CLASP1: variants seen among roughly 807,000 people sequenced by gnomAD.
CLASP1 encodes CLIP-associating protein 1.
In CLASP1, 38 loss-of-function variants were observed where a neutral mutation model predicts 192.3. The observed-to-expected ratio is 0.20, with a 90% CI of 0.15 to 0.26. The LOEUF (loss-of-function observed/expected upper bound fraction) is 0.26. CLASP1 is among the 10% of genes least tolerant of loss of function. The pLI is 1.00. For missense variants in CLASP1, 1,433 were observed against 1,932.5 expected, an observed-to-expected ratio of 0.74 and a Z score of 4.85; for synonymous variants, 691 against 712.8, an observed-to-expected ratio of 0.97 and a Z score of 0.49.
At chr2:121,510,685 C>T (rs1559477233) in intron 7 of CLASP1, among the ~76,000 whole-genome samples, 3 of 152,086 alleles carry the variant, frequency 2.0e-5, no homozygotes, top group East Asian at 1.9e-4. Context: ...GTAGTCCCAG[C>T]TACTTGGGAG....
chr2:121,369,929 G>A lies in CLASP1; in HGVS notation c.3643-2098C>T, dbSNP rs141746439. On this transcript the variant is annotated intron_variant, in intron 34 of 39. Transcript: ENST00000263710. ...CTTTTGCTAAATATAATTTTACTGAGTTCCAAAACATTGTATCAGTTTCCC... is the reference window on the plus strand; with the variant it reads ...CTTTTGCTAAATATAATTTTACTGAATTCCAAAACATTGTATCAGTTTCCC... Among the ~76,000 whole-genome samples the A allele has an allele frequency of 3.4e-3, 518 of 152,134 alleles. 2 individuals are homozygous for A. Among genetic ancestry groups the A allele is most frequent in the Non-Finnish European group, 5.7e-3 (388 of 68,004 alleles).
intron 7 of CLASP1, among the ~76,000 whole-genome samples, chr2:121,508,183 T>C (rs1324941652): frequency 6.6e-6 from 1 of 152,192 alleles, no homozygotes; most frequent in Non-Finnish European, 1.5e-5. Flanking sequence ...TAGAACTATA[T>C]GCACTGGTGG....
chr2:121,482,037 A>C (rs1183658680), intron 8 of CLASP1, among the ~76,000 whole-genome samples: 1 of 152,164 alleles, frequency 6.6e-6, no homozygotes, highest in African/African-American at 2.4e-5. Context: ...CCCACCAACC[A>C]ACCCTCGGAT....
chr2:121,585,666 G>A (rs572644302), intron 2 of CLASP1, among the ~76,000 whole-genome samples: 4 of 152,280 alleles, frequency 2.6e-5, no homozygotes, highest in South Asian at 4.1e-4. Context: ...TTGGGAGGCC[G>A]AAGCGGGCAG....
chr2:121,488,802 T>A (rs1038685982), intron 8 of CLASP1, among the ~76,000 whole-genome samples: 4 of 152,202 alleles, frequency 2.6e-5, no homozygotes, highest in African/African-American at 9.6e-5. Context: ...ACCACTTCCA[T>A]AAGAAACAGT....
At chr2:121,436,996 C>G (rs1346860539) in intron 19 of CLASP1, among the ~76,000 whole-genome samples, 3 of 152,076 alleles carry the variant, frequency 2.0e-5, no homozygotes, top group African/African-American at 2.4e-5. Flanking sequence ...GGGTCTTGCT[C>G]TGTTGTCCTG....
At chr2:121,532,938 A>C (rs183640413) in intron 2 of CLASP1, among the ~76,000 whole-genome samples, 16 of 152,330 alleles carry the variant, frequency 1.1e-4, no homozygotes, top group Non-Finnish European at 1.9e-4. Flanking sequence ...TGTCTGGTGA[A>C]ATCTTAAGCT....
At chr2:121,427,312 A>G in intron 21 of CLASP1, 92 bp downstream of exon 21, 2 of 1,414,098 alleles carry the variant, frequency 1.4e-6, no homozygotes, top group Non-Finnish European at 1.9e-6. Context: ...CTTACAATAA[A>G]GAGAGAAATT....
intron 1 of CLASP1, among the ~76,000 whole-genome samples, chr2:121,606,577 T>TC (rs1559750725): frequency 6.6e-6 from 1 of 152,148 alleles, no homozygotes; most frequent in Non-Finnish European, 1.5e-5. Context: ...TGCCTTACTC[T>TC]CAGTCTTCTA....
intron 8 of CLASP1, among the ~76,000 whole-genome samples, chr2:121,474,690 C>G (rs563560926): frequency 6.6e-6 from 1 of 152,176 alleles, no homozygotes; most frequent in East Asian, 1.9e-4. Flanking sequence ...GAGCCAAGAT[C>G]GCATCACTGC....
At chr2:121,522,053 G>C (rs947790331) in intron 6 of CLASP1, among the ~76,000 whole-genome samples, 1 of 152,222 alleles carries the variant, frequency 6.6e-6, no homozygotes, top group Non-Finnish European at 1.5e-5. Context: ...AATTAACTTG[G>C]TTAGTATCGG....
chr2:121,500,246 TTG>T (rs2093688146), intron 8 of CLASP1, among the ~76,000 whole-genome samples: 2 of 138,584 alleles, frequency 1.4e-5, no homozygotes. Flanking sequence ...ACACTGGGAG[TTG>T]TGTTTTAAAA....
intron 6 of CLASP1, among the ~76,000 whole-genome samples, chr2:121,516,012 G>C (rs956405810): frequency 6.6e-6 from 1 of 152,072 alleles, no homozygotes; most frequent in African/African-American, 2.4e-5. Context: ...CATATCCTTA[G>C]TTCTTTCCGT....
intron 1 of CLASP1, among the ~76,000 whole-genome samples, chr2:121,648,830 T>TCCGCTCGGCG (rs1268155803): frequency 5.9e-5 from 9 of 152,226 alleles, no homozygotes; most frequent in Non-Finnish European, 1.0e-4. Flanking sequence ...AGCCGGCCGC[T>TCCGCTCGGCG]CCGCTCGGCG....
intron 8 of CLASP1, among the ~76,000 whole-genome samples, chr2:121,495,248 A>G (rs2093480654): frequency 6.6e-6 from 1 of 151,334 alleles, no homozygotes; most frequent in East Asian, 2.0e-4. Context: ...GCATGAACCC[A>G]GGAGGCAGAG....
chr2:121,587,927 C>G (rs2105698294), intron 2 of CLASP1, among the ~76,000 whole-genome samples: 1 of 151,876 alleles, frequency 6.6e-6, no homozygotes, highest in East Asian at 1.9e-4. Context: ...AATCTCAGCA[C>G]TTTGGGAGGC....
In CLASP1 at chr2:121,646,222, C is replaced by T. The variant is rs557134645; in HGVS notation, c.-286+3150G>A. On this transcript the variant is annotated intron_variant, in intron 1 of 39. Coordinates refer to ENST00000263710, the Ensembl canonical transcript of CLASP1. ...CAGCCTCCCAGACTCAGGAGATCCTCCCACCTCATCCCCCCAAGTAGTTGG... is the reference window on the plus strand; with the variant it reads ...CAGCCTCCCAGACTCAGGAGATCCTTCCACCTCATCCCCCCAAGTAGTTGG... Among the ~76,000 whole-genome samples, 22 of 152,272 alleles carry T rather than the reference C, an allele frequency of 1.4e-4. No individual in the cohort carries two copies. The South Asian group carries it at 4.6e-3, about 32-fold the overall frequency.
At chr2:121,515,990 C>T (rs1000448387) in intron 6 of CLASP1, among the ~76,000 whole-genome samples, 4 of 152,216 alleles carry the variant, frequency 2.6e-5, no homozygotes, top group Non-Finnish European at 5.9e-5. Context: ...TCCCTATATA[C>T]ACGGCAAAGT....
At chr2:121,516,573 G>T (rs1282141618) in intron 6 of CLASP1, among the ~76,000 whole-genome samples, 1 of 152,202 alleles carries the variant, frequency 6.6e-6, no homozygotes, top group East Asian at 1.9e-4. Flanking sequence ...GAGAGACAGG[G>T]TAGACTTTTT....
Sources: allele counts gnomAD v4.1 joint callset (sites outside exome capture counted in the v4.1 genomes callset), GRCh38; gene constraint gnomAD v4.1.1; transcripts MANE v1.5; gene names NCBI Gene and HGNC (gene_info 2026-07-23, HGNC 2026-07-21).